RYR3: variants seen among roughly 807,000 people sequenced by gnomAD.
RYR3 encodes the protein ryanodine receptor 3.
RYR3 carries 207 observed loss-of-function variants against 584.3 expected under a neutral mutation model. The ratio of observed to expected loss-of-function variants is 0.35; its 90% confidence interval spans 0.32 to 0.40. The LOEUF (loss-of-function observed/expected upper bound fraction) is 0.40. Among genes scored for constraint, RYR3 ranks in the 10% least tolerant of loss-of-function variants. The pLI, the probability that RYR3 is intolerant of heterozygous loss-of-function variation, is 1.00. For synonymous variants in RYR3, 2,416 were observed against 2,248.5 expected, an observed-to-expected ratio of 1.07 and a Z score of -2.11; for missense variants, 5,616 against 6,089.2, an observed-to-expected ratio of 0.92 and a Z score of 2.59.
chr15:33,586,889 ACG>A (rs2058876715), intron 16 of RYR3, among the ~76,000 whole-genome samples: 1 of 152,076 alleles, frequency 6.6e-6, no homozygotes, highest in Non-Finnish European at 1.5e-5. Context: ...TAGTGGCCAG[ACG>A]CGATATTCAA....
chr15:33,774,441 A>G (rs2073852518), intron 64 of RYR3, among the ~76,000 whole-genome samples: 1 of 152,188 alleles, frequency 6.6e-6, no homozygotes, highest in Non-Finnish European at 1.5e-5. Context: ...CTCTATGTAT[A>G]ATGCTTTTAT....
In RYR3 at chr15:33,677,046, A is replaced by G. The variant is rs2064230473; in HGVS notation, c.5860+6490A>G. ...TTATTCTCGCAACAAGCAACCAAGT[A>G]TAGTGACCTCTAGGCTCCCATTTTA... is the stretch of plus-strand genomic sequence containing the variant. On this transcript the variant is annotated intron_variant, in intron 38 of 103. Coordinates refer to ENST00000634891, the MANE Select transcript of RYR3 (RefSeq NM_001036.6). Among the ~76,000 whole-genome samples the G allele has an allele frequency of 2.0e-5, 3 of 152,190 alleles. No homozygotes were observed. In the South Asian group the frequency reaches 6.2e-4, roughly 32 times the overall value.
At position 33,647,426 on chromosome 15, in the gene RYR3, A is replaced by G; in HGVS notation, c.3944A>G (p.Lys1315Arg). 1.2e-6 allele frequency: 2 copies of G among 1,607,936 alleles called. No homozygotes were observed. Among genetic ancestry groups the G allele is most frequent in the Non-Finnish European group, 1.7e-6 (2 of 1,174,576 alleles). ...CLDSEAFQKR[K>R]QMQEILSHTT... The stretch of plus-strand genomic sequence containing the variant: ...AACATGGATTATCTTTCCCCCAGGA[A>G]ACAGATGCAAGAAATACTCTCTCAT... The change falls in exon 30 of 104, where the codon AAA becomes AGA. Residue 1315 changes from lysine to arginine, a missense_variant and splice_region_variant. Around this residue, in one of 9 missense-constraint regions of RYR3, gnomAD observed 753 missense variants for 741.0 expected, o/e 1.02. Transcript: ENST00000634891.
At chr15:33,513,824 C>T (rs922248438) in intron 3 of RYR3, among the ~76,000 whole-genome samples, 5 of 152,158 alleles carry the variant, frequency 3.3e-5, no homozygotes, top group African/African-American at 9.7e-5. Flanking sequence ...GGCTCCTAAA[C>T]GTCTATCCCA....
At position 33,731,669 on chromosome 15, in the gene RYR3, G is replaced by C; in HGVS notation, c.7399G>C (p.Glu2467Gln). The C allele has an allele frequency of 6.2e-7, 1 of 1,612,590 alleles. No homozygotes were observed. The highest frequency in any genetic ancestry group is 8.5e-7 in the Non-Finnish European group (1 of 1,178,762). ...SLTKAQRDTI[E>Q]ECLLAICNHL... ...CACCAAAGCACAAAGGGACACTATA[G>C]AAGAATGTTTGCTTGCCATTTGCAA... Residue 2467 changes from glutamate (E) to glutamine (Q), a missense_variant, in exon 48 of 104, where the codon GAA becomes CAA. Around this residue, in one of 9 missense-constraint regions of RYR3, gnomAD observed 1,280 missense variants for 1,426.2 expected, o/e 0.90. Transcript: ENST00000634891.
At chr15:33,665,637 T>G (rs2063454072) in intron 36 of RYR3, among the ~76,000 whole-genome samples, 1 of 152,240 alleles carries the variant, frequency 6.6e-6, no homozygotes, top group Non-Finnish European at 1.5e-5. Context: ...TTCCCCATTC[T>G]GCCTCCATAC....
At chr15:33,577,024 C>A (rs946567186) in intron 12 of RYR3, among the ~76,000 whole-genome samples, 5 of 152,072 alleles carry the variant, frequency 3.3e-5, no homozygotes, top group African/African-American at 1.2e-4. Flanking sequence ...ATACTTGCTA[C>A]AAAGAGAATA....
chr15:33,329,360 T>A (rs1157873444), intron 1 of RYR3, among the ~76,000 whole-genome samples: 1 of 152,186 alleles, frequency 6.6e-6, no homozygotes, highest in Non-Finnish European at 1.5e-5. Context: ...ACATGAATAC[T>A]GCTAATAAAA....
intron 63 of RYR3, among the ~76,000 whole-genome samples, chr15:33,772,532 C>T (rs2073656058): frequency 6.6e-6 from 1 of 152,124 alleles, no homozygotes; most frequent in Non-Finnish European, 1.5e-5. Flanking sequence ...ATTAAGAAGA[C>T]TTAATTTATT....
At chr15:33,664,048 C>T (rs568117895) in intron 36 of RYR3, among the ~76,000 whole-genome samples, 1 of 152,268 alleles carries the variant, frequency 6.6e-6, no homozygotes, top group Non-Finnish European at 1.5e-5. Context: ...GTCTCCTCAG[C>T]AAGGATACAC....
At chr15:33,448,506 A>T (rs2046851422) in intron 1 of RYR3, among the ~76,000 whole-genome samples, 1 of 152,244 alleles carries the variant, frequency 6.6e-6, no homozygotes, top group African/African-American at 2.4e-5. Flanking sequence ...GAAGAGAAAA[A>T]CAAAGGCAAA....
chr15:33,670,583 G>A (rs2063784197), intron 38 of RYR3, 27 bp downstream of exon 38: 4 of 1,541,558 alleles, frequency 2.6e-6, no homozygotes, highest in Non-Finnish European at 3.5e-6. Flanking sequence ...TTAAATGACA[G>A]TGTGCTCTTC....
chr15:33,406,683 T>G (rs954097201), intron 1 of RYR3, among the ~76,000 whole-genome samples: 1 of 152,186 alleles, frequency 6.6e-6, no homozygotes, highest in African/African-American at 2.4e-5. Context: ...GTATGATCAG[T>G]TTGAACATAG....
chr15:33,702,601 C>T (rs1204991753), intron 42 of RYR3, among the ~76,000 whole-genome samples: 1 of 152,104 alleles, frequency 6.6e-6, no homozygotes, highest in African/African-American at 2.4e-5. Flanking sequence ...TCCCAAATGG[C>T]ATTGTCAAGT....
intron 1 of RYR3, among the ~76,000 whole-genome samples, chr15:33,393,286 A>G (rs989569639): frequency 7.9e-5 from 12 of 152,216 alleles, no homozygotes; most frequent in Admixed American, 3.3e-4. Flanking sequence ...TTGTCGCATA[A>G]CCGTGATTTG....
At chr15:33,735,886 T>G (rs1225642508) in intron 48 of RYR3, among the ~76,000 whole-genome samples, 5 of 152,220 alleles carry the variant, frequency 3.3e-5, no homozygotes, top group Non-Finnish European at 7.3e-5. Context: ...TCTGCAGAGT[T>G]CAGGGGACCT....
rs372581414 is a variant in RYR3 at position 33,670,477 on chromosome 15, C to G, written c.5781C>G (p.Leu1927=). 2.5e-6 allele frequency: 4 copies of G among 1,611,310 alleles called. No homozygotes were observed. The highest frequency in any genetic ancestry group is 2.5e-6 in the Non-Finnish European group (3 of 1,179,162). The change falls in exon 38 of 104, where the codon CTC becomes CTG. Residue 1927 remains leucine (L), a synonymous_variant. Coordinates refer to ENST00000634891, the MANE Select transcript of RYR3 (RefSeq NM_001036.6). ...EEEDTSWTGK[L]CALVYKIKGP... ...AGGACACCTCCTGGACAGGAAAACT[C>G]TGTGCCTTGGTTTACAAAATCAAAG...
At chr15:33,616,602 A>T (rs929777105) in intron 19 of RYR3, among the ~76,000 whole-genome samples, 1 of 152,180 alleles carries the variant, frequency 6.6e-6, no homozygotes, top group African/African-American at 2.4e-5. Flanking sequence ...AATTTAAGAA[A>T]CCGAAGGGTC....
rs115535178 is a variant in RYR3, at chr15:33,810,676, G to A, written c.10197+27G>A. The A allele has an allele frequency of 1.4e-3, 2,249 of 1,613,572 alleles. 39 individuals are homozygous for A. The African/African-American group carries it at 0.027, about 19-fold the overall frequency. ...TAAGCTGCCCGTCTGCCTGGGCTGAGTGTGTGATCCACATGGTGCAGTGAT... is the reference window on the plus strand; with the variant it reads ...TAAGCTGCCCGTCTGCCTGGGCTGAATGTGTGATCCACATGGTGCAGTGAT... On this transcript the variant is annotated intron_variant, in intron 71 of 103. Transcript: ENST00000634891.
Sources: gnomAD v4.1 joint callset for allele counts (sites outside exome capture counted in the v4.1 genomes callset) on GRCh38, gnomAD v4.1.1 for gene constraint, gnomAD v4.1.1 regional missense constraint, MANE v1.5 for transcripts, NCBI Gene and HGNC (gene_info 2026-07-23, HGNC 2026-07-21) for gene names.